Variants in OSMR observed in about 807,000 individuals in gnomAD.
The protein encoded by OSMR is oncostatin M receptor, also known as oncostatin-M-specific receptor subunit beta.
Under a neutral mutation model 99.9 loss-of-function variants are expected in OSMR, and 81 were observed. The observed-to-expected ratio is 0.81, with a 90% CI of 0.68 to 0.97. OSMR has a LOEUF of 0.97. Ranked by LOEUF, OSMR falls within the 50% of genes least tolerant of loss-of-function variation. The probability of loss-of-function intolerance (pLI) is 0.00; values close to 1 mark genes in which losing one functional copy is unlikely to be tolerated. For missense variants in OSMR, 1,099 were observed against 1,153.4 expected, an observed-to-expected ratio of 0.95 and a Z score of 0.68; for synonymous variants, 406 against 410.4, an observed-to-expected ratio of 0.99 and a Z score of 0.13.
At chr5:38,931,185 C>T (rs1003558361) in intron 15 of OSMR, among the ~76,000 whole-genome samples, 2 of 152,122 alleles carry the variant, frequency 1.3e-5, no homozygotes, top group African/African-American at 4.8e-5. Context: ...TTTATGTAAT[C>T]TGAGGCTAAC....
chr5:38,892,193 G>A (rs1744205102), intron 7 of OSMR, among the ~76,000 whole-genome samples: 1 of 152,136 alleles, frequency 6.6e-6, no homozygotes, highest in African/African-American at 2.4e-5. Flanking sequence ...GAGAAATCCT[G>A]CCCTCCCTGG....
chr5:38,901,566 T>C (rs1744891410), intron 7 of OSMR, among the ~76,000 whole-genome samples: 1 of 152,182 alleles, frequency 6.6e-6, no homozygotes. Context: ...TAGTGCCTAG[T>C]AGCAAGCAAG....
intron 7 of OSMR, among the ~76,000 whole-genome samples, chr5:38,898,950 CTTTTTTTTTT>C (rs58159819): frequency 1.3e-5 from 1 of 78,288 alleles, no homozygotes; most frequent in South Asian, 6.2e-4. Context: ...TACATAATAT[CTTTTTTTTTT>C]TTTTTTTTTT....
Position 38,919,065 on chromosome 5 carries a change from G to C in OSMR, c.1585+3G>C. The stretch of plus-strand genomic sequence containing the variant: ...CATCTCTGCAGACCCCGAAAACAGT[G>C]AGTTTGTTTTCATTTTCTTTTGTTT... On this transcript the variant is annotated splice_donor_region_variant and intron_variant, in intron 11 of 17. Coordinates refer to ENST00000274276, the MANE Select transcript of OSMR (RefSeq NM_003999.3). 6.2e-7 allele frequency: 1 copy of C among 1,613,624 alleles called. No individual in the cohort carries two copies. The highest frequency in any genetic ancestry group is 8.5e-7 in the Non-Finnish European group (1 of 1,179,586).
intron 2 of OSMR, chr5:38,944,914 T>G: frequency 6.2e-7 from 1 of 1,613,442 alleles, no homozygotes; most frequent in Non-Finnish European, 8.5e-7. Context: ...AAGACTCACC[T>G]AGTAACAATT....
chr5:38,906,091 G>T (rs1363602380), intron 9 of OSMR, among the ~76,000 whole-genome samples: 3 of 151,804 alleles, frequency 2.0e-5, no homozygotes, highest in Non-Finnish European at 2.9e-5. Context: ...GTTCTGGAAG[G>T]CCCTGTTCCT....
intron 1 of OSMR, among the ~76,000 whole-genome samples, chr5:38,942,554 G>A (rs748392628): frequency 6.8e-6 from 1 of 146,966 alleles, no homozygotes; most frequent in Non-Finnish European, 1.5e-5. Context: ...GGGTTCATAT[G>A]ATCCTCCCAC....
chr5:38,942,619 TAA>T (rs368923211), intron 1 of OSMR, among the ~76,000 whole-genome samples: 1 of 133,650 alleles, frequency 7.5e-6, no homozygotes, highest in Admixed American at 7.6e-5. Flanking sequence ...CTCGGCTAAT[TAA>T]AAAAAAAAAA....
chr5:38,938,443 C>A (rs549579292), downstream of OSMR: 49 of 231,646 alleles, frequency 2.1e-4, no homozygotes, highest in African/African-American at 1.1e-3. Flanking sequence ...TGTGCTAAAT[C>A]AACCAAGTAG....
At chr5:38,928,484 A>G (rs931181104) in intron 15 of OSMR, among the ~76,000 whole-genome samples, 3 of 152,184 alleles carry the variant, frequency 2.0e-5, no homozygotes, top group African/African-American at 7.2e-5. Context: ...ATGCTTCTTC[A>G]CATGGCGGCA....
chr5:38,880,554 A>G (rs1046393524), intron 3 of OSMR, among the ~76,000 whole-genome samples: 7 of 152,330 alleles, frequency 4.6e-5, no homozygotes, highest in Non-Finnish European at 7.3e-5. Context: ...GACAAGAGGA[A>G]TGCAGAGGAA....
At chr5:38,943,808 G>A (rs181998516) in intron 1 of OSMR, among the ~76,000 whole-genome samples, 181 of 152,122 alleles carry the variant, frequency 1.2e-3, no homozygotes, top group African/African-American at 4.1e-3. Context: ...GCAAGACTCC[G>A]TCTCAAAAAA....
chr5:38,882,153 T>A lies in OSMR; in HGVS notation c.418+389T>A, dbSNP rs191687529. ...GAACATTTTTCTGTGAAAGGCCAGA[T>A]AAGAGATAGTATAAGCTTTTCAGAG... On this transcript the variant is annotated intron_variant, in intron 4 of 17. Transcript: ENST00000274276. 2.0e-5 allele frequency among the ~76,000 whole-genome samples: 3 copies of A among 152,336 alleles called. No homozygotes were observed. The East Asian group carries it at 5.8e-4, about 29-fold the overall frequency.
chr5:38,940,971 T>G (rs377245251), intron 1 of OSMR: 10 of 232,702 alleles, frequency 4.3e-5, no homozygotes, highest in East Asian at 3.7e-4. Context: ...TCAGTCCAGC[T>G]GGATTTTCTA....
At chr5:38,924,230 G>T (rs1032942756) in intron 13 of OSMR, 192 bp from the exon 14 acceptor site, 4 of 794,948 alleles carry the variant, frequency 5.0e-6, no homozygotes, top group Admixed American at 6.2e-5. Flanking sequence ...GAACAAGATT[G>T]CTCAACTCCT....
At chr5:38,854,227 GTT>G (rs1740677704) in intron 1 of OSMR, among the ~76,000 whole-genome samples, 1 of 152,118 alleles carries the variant, frequency 6.6e-6, no homozygotes, top group Non-Finnish European at 1.5e-5. Context: ...CACCCAGCCA[GTT>G]TTGAAGTTTG....
chr5:38,905,581 C>T (rs1455649635), intron 9 of OSMR, among the ~76,000 whole-genome samples: 4 of 152,032 alleles, frequency 2.6e-5, no homozygotes, highest in Admixed American at 6.5e-5. Context: ...CCTGACAACA[C>T]GCAGTAGGTG....
At chr5:38,917,454 A>C (rs1333449969) in intron 9 of OSMR, 92 bp from the exon 10 acceptor site, 24 of 1,561,812 alleles carry the variant, frequency 1.5e-5, no homozygotes, top group Non-Finnish European at 2.0e-5. Flanking sequence ...TGGACAGGTA[A>C]TTGTCATGTC....
intron 11 of OSMR, chr5:38,919,389 A>G (rs1746118816): frequency 9.2e-6 from 12 of 1,306,612 alleles, no homozygotes; most frequent in African/African-American, 1.5e-5. Flanking sequence ...ACTATTTATG[A>G]TCTTTGTGGC....
Sources: allele counts gnomAD v4.1 joint callset (sites outside exome capture counted in the v4.1 genomes callset), GRCh38; gene constraint gnomAD v4.1.1; transcripts MANE v1.5; gene names NCBI Gene and HGNC (gene_info 2026-07-23, HGNC 2026-07-21).